Variants in GLIPR1 observed in about 807,000 individuals in gnomAD.
The protein encoded by GLIPR1 is glioma pathogenesis-related protein 1.
A neutral mutation model predicts 30.3 loss-of-function variants in GLIPR1; 38 were observed. The observed-to-expected ratio is 1.26, with a 90% CI of 0.97 to 1.65. GLIPR1 has a LOEUF of 1.65. GLIPR1 is among the 40% of genes most tolerant of loss of function. GLIPR1 has a pLI of 0.00. For synonymous variants in GLIPR1, 122 were observed against 110.6 expected, an observed-to-expected ratio of 1.10 and a Z score of -0.65; for missense variants, 285 against 326.5, an observed-to-expected ratio of 0.87 and a Z score of 0.98.
chr12:75,491,236 C>T (rs904548997), intron 3 of GLIPR1: 1 of 152,182 alleles, frequency 6.6e-6, no homozygotes, highest in African/African-American at 2.4e-5. Flanking sequence ...CATATATTAA[C>T]TTAATCTTCA....
chr12:75,499,718 A>C lies in GLIPR1; in HGVS notation c.*740A>C. The C allele has an allele frequency of 1.1e-6, 1 of 912,076 alleles. No homozygotes were observed. Among genetic ancestry groups the C allele is most frequent in the Non-Finnish European group, 1.6e-6 (1 of 631,904 alleles). The allele number at this position is 912,076 out of a possible 1,614,324, so 56.5% of individuals were successfully genotyped here. On this transcript the variant is annotated 3_prime_UTR_variant, in exon 6 of 6. Transcript: ENST00000266659. Reference sequence around the variant, plus strand: ...ACCACCAAAAAAAAAAAAAGCCCTCAGAAAATTTCTCACAAATAAGGCAAC... The same window carrying C: ...ACCACCAAAAAAAAAAAAAGCCCTCCGAAAATTTCTCACAAATAAGGCAAC...
intron 3 of GLIPR1, chr12:75,493,811 T>C (rs2046335960): frequency 1.3e-5 from 2 of 152,202 alleles, no homozygotes; most frequent in African/African-American, 4.8e-5. Flanking sequence ...TCCAGTAGCA[T>C]GTTTCTCCCA....
chr12:75,488,661 T>C (rs889844608), intron 2 of GLIPR1, among the ~76,000 whole-genome samples: 3 of 152,232 alleles, frequency 2.0e-5, no homozygotes, highest in Non-Finnish European at 4.4e-5. Flanking sequence ...AACTTCTTCA[T>C]TTTCTGCAGC....
chr12:75,481,789 T>C (rs1462612139), intron 1 of GLIPR1, 45 bp from the exon 2 acceptor site: 1 of 1,592,474 alleles, frequency 6.3e-7, no homozygotes, highest in Admixed American at 1.7e-5. Context: ...TCACCCCAGT[T>C]ACATTTCAGA....
At chr12:75,494,261 CTT>C (rs2046338240) in intron 3 of GLIPR1, 1 of 152,122 alleles carries the variant, frequency 6.6e-6, no homozygotes, top group African/African-American at 2.4e-5. Flanking sequence ...GGACCATAAA[CTT>C]TGATTAGAAA....
At chr12:75,488,127 G>A (rs2046302037) in intron 2 of GLIPR1, among the ~76,000 whole-genome samples, 1 of 152,126 alleles carries the variant, frequency 6.6e-6, no homozygotes, top group South Asian at 2.1e-4. Flanking sequence ...TATCCGCAAG[G>A]TCTTTGACCT....
chr12:75,489,324 G>A (rs1056277441), intron 2 of GLIPR1, among the ~76,000 whole-genome samples: 3 of 152,126 alleles, frequency 2.0e-5, no homozygotes, highest in Non-Finnish European at 2.9e-5. Context: ...CACTCCTTCA[G>A]TCTGTTTTGC....
At chr12:75,482,190 G>T in intron 2 of GLIPR1, 111 bp downstream of exon 2, 1 of 951,830 alleles carries the variant, frequency 1.1e-6, no homozygotes, top group Non-Finnish European at 1.6e-6. Context: ...GTAAATATAA[G>T]GGAGTTAAAT....
intron 4 of GLIPR1, chr12:75,497,125 A>T (rs1039933536): frequency 3.3e-5 from 5 of 152,174 alleles, no homozygotes; most frequent in Non-Finnish European, 7.3e-5. Flanking sequence ...TTTTGGTGCA[A>T]TTTCCAGTTT....
Position 75,490,402 on chromosome 12 carries a change from T to C in GLIPR1, c.421-4T>C, listed in dbSNP as rs761969868. 1.3e-6 allele frequency: 2 copies of C among 1,524,322 alleles called. No individual in the cohort carries two copies. Among genetic ancestry groups the C allele is most frequent in the East Asian group, 2.3e-5 (1 of 44,434 alleles). 94.4% of individuals were successfully genotyped at this position (1,524,322 alleles called of 1,614,324 possible). On this transcript the variant is annotated splice_polypyrimidine_tract_variant and splice_region_variant and intron_variant, in intron 2 of 5. Coordinates refer to ENST00000266659, the MANE Select transcript of GLIPR1 (RefSeq NM_006851.3). ...CTCTGTTAAAAATCCTTATTTCCTTTCAGGTTGTTTGGGCAGATAGTTACA... is the reference window on the plus strand; with the variant it reads ...CTCTGTTAAAAATCCTTATTTCCTTCCAGGTTGTTTGGGCAGATAGTTACA...
At chr12:75,482,205 C>A in intron 2 of GLIPR1, 126 bp downstream of exon 2, 1 of 826,456 alleles carries the variant, frequency 1.2e-6, no homozygotes, top group Non-Finnish European at 1.9e-6. Flanking sequence ...TTAAATAGAA[C>A]AGCCTCCAAG....
chr12:75,490,437 G>T lies in GLIPR1; in HGVS notation c.452G>T (p.Cys151Phe). The T allele has an allele frequency of 6.2e-7, 1 of 1,604,632 alleles. No homozygotes were observed. Among genetic ancestry groups the T allele is most frequent in the Non-Finnish European group, 8.5e-7 (1 of 1,172,432 alleles). The part of the protein sequence containing the change: ...VVWADSYKVG[C>F]AVQFCPKVSG... Reference sequence around the variant, plus strand: ...TGGGCAGATAGTTACAAAGTTGGCTGCGCAGTTCAATTTTGCCCTAAAGTT... The same window carrying T: ...TGGGCAGATAGTTACAAAGTTGGCTTCGCAGTTCAATTTTGCCCTAAAGTT... Residue 151 changes from cysteine (C) to phenylalanine (F), a missense_variant, in exon 3 of 6, where the codon TGC (cysteine) becomes TTC (phenylalanine). By Grantham distance (205) the Cys-to-Phe change is radical. Coordinates refer to ENST00000266659, the MANE Select transcript of GLIPR1 (RefSeq NM_006851.3).
intron 2 of GLIPR1, among the ~76,000 whole-genome samples, chr12:75,489,277 G>A (rs1390982886): frequency 6.6e-6 from 1 of 152,108 alleles, no homozygotes; most frequent in Non-Finnish European, 1.5e-5. Context: ...AACAGCGCAG[G>A]TCTCTCTGTT....
intron 2 of GLIPR1, among the ~76,000 whole-genome samples, chr12:75,486,455 A>G (rs1422921386): frequency 6.6e-6 from 1 of 152,160 alleles, no homozygotes; most frequent in East Asian, 1.9e-4. Context: ...TGGAGTTGGT[A>G]TTGTTATTAT....
Position 75,501,733 on chromosome 12 carries a change from T to A in GLIPR1, c.*2755T>A, listed in dbSNP as rs2046395469. The A allele has an allele frequency of 6.2e-7, 1 of 1,603,350 alleles. No individual in the cohort carries two copies. The highest frequency in any genetic ancestry group is 8.5e-7 in the Non-Finnish European group (1 of 1,171,702). On this transcript the variant is annotated 3_prime_UTR_variant, in exon 6 of 6. Transcript: ENST00000266659. ...CATAGAAAGCATTACCTTCCTTAGG[T>A]TTCACAATTGGTTTTTCCTTAGGTG...
rs150361984 is a variant in GLIPR1 at position 75,499,896 on chromosome 12, T to C, written c.*918T>C. 4.9e-5 allele frequency: 79 copies of C among 1,610,248 alleles called. No homozygotes were observed. The highest frequency in any genetic ancestry group is 6.4e-5 in the Non-Finnish European group (75 of 1,178,458). ...TAAGAGCTCCCAGTTTCTTATTCTT[T>C]GCTTTCTTAACCTTTTCCTTGATGC... On this transcript the variant is annotated 3_prime_UTR_variant, in exon 6 of 6. Transcript: ENST00000266659.
chr12:75,496,010 T>TC (rs1278499680), intron 4 of GLIPR1: 2 of 116,068 alleles, frequency 1.7e-5, no homozygotes, highest in Non-Finnish European at 3.8e-5. Context: ...TTTTTTTTTG[T>TC]TTTTTTTTTT....
intron 3 of GLIPR1, chr12:75,491,996 G>A (rs888380186): frequency 3.9e-5 from 6 of 151,994 alleles, no homozygotes; most frequent in Admixed American, 3.9e-4. Context: ...GAAGATGACA[G>A]CTTTGACTTA....
In GLIPR1 at chr12:75,502,277, A is replaced by C. The variant is rs1033226758; in HGVS notation, c.*3299A>C. The stretch of plus-strand genomic sequence containing the variant: ...AGAAAAGTGTGAGAAGAAACTGGAG[A>C]GAGAGTTTTGGGGAAAATTTGAAGA... On this transcript the variant is annotated 3_prime_UTR_variant, in exon 6 of 6. Transcript: ENST00000266659. 32 of 283,738 alleles carry C rather than the reference A, an allele frequency of 1.1e-4. No individual in the cohort carries two copies. The East Asian group carries it at 1.6e-3, about 15-fold the overall frequency. The allele number at this position is 283,738 out of a possible 1,614,324, so 17.6% of individuals were successfully genotyped here.
Sources: gnomAD v4.1 joint callset for allele counts (sites outside exome capture counted in the v4.1 genomes callset) on GRCh38, gnomAD v4.1.1 for gene constraint, MANE v1.5 for transcripts, NCBI Gene and HGNC (gene_info 2026-07-23, HGNC 2026-07-21) for gene names.